FTCDNL1: variants seen among roughly 807,000 people sequenced by gnomAD.
FTCDNL1 encodes the protein formiminotransferase N-terminal subdomain-containing protein.
FTCDNL1 carries 11 observed loss-of-function variants against 5.9 expected under a neutral mutation model. The ratio of observed to expected loss-of-function variants is 1.87; its 90% CI spans 1.18 to 3.10. The LOEUF (loss-of-function observed/expected upper bound fraction) is 3.10. Among genes scored for constraint, FTCDNL1 ranks in the 30% most tolerant of loss-of-function variants. FTCDNL1 has a pLI of 0.00. For synonymous variants in FTCDNL1, 58 were observed against 24.8 expected, an observed-to-expected ratio of 2.34 and a Z score of -3.99; for missense variants, 115 against 65.5, an observed-to-expected ratio of 1.76 and a Z score of -2.61.
chr2:199,668,182 A>G, the FTCDNL1 span, among the ~76,000 whole-genome samples: 1 of 152,198 alleles, frequency 6.6e-6, no homozygotes, highest in African/African-American at 2.4e-5. Context: ...ACTGGAAACA[A>G]ATATATATTA....
the FTCDNL1 span, among the ~76,000 whole-genome samples, chr2:199,752,990 C>T: frequency 6.6e-6 from 1 of 151,980 alleles, no homozygotes; most frequent in Non-Finnish European, 1.5e-5. Flanking sequence ...ACGATAAGTG[C>T]CACAAGTAAA....
chr2:199,821,752 C>G (rs927498829), intron 3 of FTCDNL1, among the ~76,000 whole-genome samples: 1 of 152,126 alleles, frequency 6.6e-6, no homozygotes, highest in African/African-American at 2.4e-5. Flanking sequence ...CATAAGCCAC[C>G]ACGCCCAGCC....
chr2:199,815,103 T>C (rs1407919693), intron 4 of FTCDNL1, among the ~76,000 whole-genome samples: 2 of 152,232 alleles, frequency 1.3e-5, no homozygotes, highest in Admixed American at 6.5e-5. Flanking sequence ...AATTACCCCA[T>C]AAATGTTTAG....
chr2:199,811,881 G>A lies in FTCDNL1; in HGVS notation c.*824C>T, dbSNP rs908800430. On this transcript the variant is annotated 3_prime_UTR_variant, in exon 5 of 5. Transcript: ENST00000420128. ...GCCCTAAGGACAAGAGTTCAATAAA[G>A]AACATGACACGTACACTGTTCAGTG... is the stretch of plus-strand genomic sequence containing the variant. Among the ~76,000 whole-genome samples, 5 of 152,186 alleles carry A rather than the reference G, an allele frequency of 3.3e-5. No individual in the cohort carries two copies. The highest frequency in any genetic ancestry group is 3.3e-4 in the Admixed American group (5 of 15,282).
At chr2:199,808,162 G>C (rs1210185068), downstream of FTCDNL1, among the ~76,000 whole-genome samples, 3 of 152,118 alleles carry the variant, frequency 2.0e-5, no homozygotes, top group Non-Finnish European at 4.4e-5. Context: ...GGCCTCCCCA[G>C]AAGCCAAGCA....
the FTCDNL1 span, among the ~76,000 whole-genome samples, chr2:199,697,063 G>A: frequency 8.7e-4 from 132 of 152,276 alleles, 1 homozygote; most frequent in Non-Finnish European, 1.2e-3. Flanking sequence ...ATGAGGCCAA[G>A]AGATCGAGAC....
the FTCDNL1 span, among the ~76,000 whole-genome samples, chr2:199,669,860 C>G: frequency 6.6e-6 from 1 of 152,026 alleles, no homozygotes; most frequent in East Asian, 1.9e-4. Context: ...ATATTTTATA[C>G]AAGATTTGGG....
the FTCDNL1 span, among the ~76,000 whole-genome samples, chr2:199,693,703 G>A: frequency 1.3e-5 from 2 of 152,142 alleles, no homozygotes; most frequent in East Asian, 3.9e-4. Context: ...AGTAATTTCT[G>A]CCTATCTCAG....
intron 3 of FTCDNL1, among the ~76,000 whole-genome samples, chr2:199,828,982 C>T (rs1317194895): frequency 6.6e-6 from 1 of 152,186 alleles, no homozygotes; most frequent in East Asian, 1.9e-4. Context: ...ACGTTTTATG[C>T]TCTGTCCTTA....
intron 3 of FTCDNL1, among the ~76,000 whole-genome samples, chr2:199,824,958 T>C (rs1292918136): frequency 6.6e-6 from 1 of 151,708 alleles, no homozygotes; most frequent in South Asian, 2.1e-4. Flanking sequence ...GGCATCATGG[T>C]GAAACCCCGT....
chr2:199,723,799 A>C, the FTCDNL1 span, among the ~76,000 whole-genome samples: 7 of 152,160 alleles, frequency 4.6e-5, no homozygotes, highest in African/African-American at 1.7e-4. Flanking sequence ...TATTTTACTA[A>C]GGATTTTTGC....
intron 3 of FTCDNL1, among the ~76,000 whole-genome samples, chr2:199,762,387 A>T (rs1444606511): frequency 6.6e-6 from 1 of 152,166 alleles, no homozygotes; most frequent in Non-Finnish European, 1.5e-5. Context: ...CTCAAAAAAA[A>T]CAGAAAGAAA....
chr2:199,699,258 G>A, the FTCDNL1 span, among the ~76,000 whole-genome samples: 1 of 152,096 alleles, frequency 6.6e-6, no homozygotes, highest in African/African-American at 2.4e-5. Flanking sequence ...CTTGAGCTCA[G>A]GAGTTTGAGA....
intron 3 of FTCDNL1, among the ~76,000 whole-genome samples, chr2:199,761,344 T>C (rs777128236): frequency 2.0e-5 from 3 of 152,238 alleles, no homozygotes; most frequent in African/African-American, 4.8e-5. Context: ...GTTCTCACTG[T>C]GTACGTCGAA....
intron 3 of FTCDNL1, among the ~76,000 whole-genome samples, chr2:199,770,027 G>A (rs547793005): frequency 7.5e-4 from 114 of 151,650 alleles, no homozygotes; most frequent in African/African-American, 2.6e-3. Flanking sequence ...CTACACTGAC[G>A]TCTCCCATCT....
At chr2:199,681,039 C>T in the FTCDNL1 span, among the ~76,000 whole-genome samples, 1 of 152,098 alleles carries the variant, frequency 6.6e-6, no homozygotes, top group Non-Finnish European at 1.5e-5. Context: ...GCTGGCTTAG[C>T]GTCCAGAATT....
chr2:199,788,070 T>C (rs1367151729), intron 3 of FTCDNL1, among the ~76,000 whole-genome samples: 1 of 152,162 alleles, frequency 6.6e-6, no homozygotes, highest in Non-Finnish European at 1.5e-5. Flanking sequence ...AGATAAGGCT[T>C]ATAAGAGTAG....
chr2:199,695,953 T>C, the FTCDNL1 span, among the ~76,000 whole-genome samples: 1 of 152,206 alleles, frequency 6.6e-6, no homozygotes, highest in Non-Finnish European at 1.5e-5. Context: ...CACCCTCCTG[T>C]CTGCTGGCCT....
chr2:199,693,131 T>C, the FTCDNL1 span, among the ~76,000 whole-genome samples: 637 of 152,338 alleles, frequency 4.2e-3, 7 homozygotes, highest in African/African-American at 0.015. Context: ...CATTCTGTTT[T>C]CTGTTATAGA....
Sources: gnomAD v4.1 joint callset for allele counts (sites outside exome capture counted in the v4.1 genomes callset) on GRCh38, gnomAD v4.1.1 for gene constraint, MANE v1.5 for transcripts, NCBI Gene and HGNC (gene_info 2026-07-23, HGNC 2026-07-21) for gene names.